Variants in SECISBP2 observed in about 807,000 individuals in gnomAD.
SECISBP2 encodes the protein selenocysteine insertion sequence-binding protein 2.
SECISBP2 carries 96 observed loss-of-function variants against 98.2 expected under a neutral mutation model. That is an observed-to-expected ratio of 0.98 (90% CI 0.83 to 1.16). The LOEUF is 1.16. Among genes scored for constraint, SECISBP2 ranks in the 50% most tolerant of loss-of-function variants. The pLI is 0.00. For synonymous variants in SECISBP2, 407 were observed against 370.2 expected, an observed-to-expected ratio of 1.10 and a Z score of -1.14; for missense variants, 1,046 against 1,022.9, an observed-to-expected ratio of 1.02 and a Z score of -0.31.
Position 89,338,451 on chromosome 9 carries a change from G to A in SECISBP2, c.1090-7G>A, listed in dbSNP as rs1829133091. The A allele has an allele frequency of 1.9e-6, 3 of 1,612,888 alleles. No individual in the cohort carries two copies. The highest frequency in any genetic ancestry group is 1.7e-4 in the Middle Eastern group (1 of 5,996). The stretch of plus-strand genomic sequence containing the variant: ...ACAGGATTTTTTGCTTTGATTTTCT[G>A]TTCTAGTCTAAAGCATCACAAGGTA... On this transcript the variant is annotated splice_polypyrimidine_tract_variant and splice_region_variant and intron_variant, in intron 7 of 16. Transcript: ENST00000375807.
At chr9:89,362,516 AG>A, downstream of SECISBP2, 10 of 1,611,166 alleles carry the variant, frequency 6.2e-6, no homozygotes, top group Non-Finnish European at 8.5e-6. Flanking sequence ...AGCCCATCCC[AG>A]GCAGAGCACT....
chr9:89,343,831 A>G (rs748826124), intron 10 of SECISBP2, among the ~76,000 whole-genome samples: 1 of 152,214 alleles, frequency 6.6e-6, no homozygotes, highest in African/African-American at 2.4e-5. Flanking sequence ...TAGTAGAATG[A>G]TTTATATTCC....
At chr9:89,334,859 G>A in intron 7 of SECISBP2, 129 bp downstream of exon 7, 1 of 718,988 alleles carries the variant, frequency 1.4e-6, no homozygotes, top group Non-Finnish European at 2.5e-6. Context: ...TCTGAAGATG[G>A]ATGGTGATGA....
chr9:89,334,693 A>C lies in SECISBP2; in HGVS notation c.1052A>C (p.Tyr351Ser). The C allele has an allele frequency of 6.2e-7, 1 of 1,613,974 alleles. No individual in the cohort carries two copies. The highest frequency in any genetic ancestry group is 8.5e-7 in the Non-Finnish European group (1 of 1,179,972). Reference sequence around the variant, plus strand: ...GAAGCTTTATCTTCGGATCCTTCCTACAACAAAGAAAAACACATTATTCAT... The same window carrying C: ...GAAGCTTTATCTTCGGATCCTTCCTCCAACAAAGAAAAACACATTATTCAT... Reference protein sequence around the residue: ...SSEALSSDPSYNKEKHIIHPT... With the variant: ...SSEALSSDPSSNKEKHIIHPT... Residue 351 changes from tyrosine (Y) to serine (S), a missense_variant, in exon 7 of 17, where the codon TAC becomes TCC. Tyr to Ser is a moderately radical substitution (Grantham distance 144). Coordinates refer to ENST00000375807, the MANE Select transcript of SECISBP2 (RefSeq NM_024077.5).
chr9:89,354,323 A>AGC (rs1831734461), intron 14 of SECISBP2, among the ~76,000 whole-genome samples: 1 of 152,248 alleles, frequency 6.6e-6, no homozygotes, highest in Non-Finnish European at 1.5e-5. Context: ...ACTACAGTGA[A>AGC]AAGGCACAAA....
rs1352830865 is a variant in SECISBP2 at position 89,319,786 on chromosome 9, A to T, written c.171A>T (p.Pro57=). 6.2e-7 allele frequency: 1 copy of T among 1,613,940 alleles called. No individual in the cohort carries two copies. The highest frequency in any genetic ancestry group is 8.5e-7 in the Non-Finnish European group (1 of 1,179,940). ...CATACTATCCGTTTGTTCAGGAACC[A>T]CCAGTGACAGAGTATGTATCTTTCT... The part of the protein sequence containing the change: ...AATYYPFVQE[P]PVTEQKIYTE... Residue 57 remains proline, a synonymous_variant, in exon 2 of 17, where the codon CCA becomes CCT. Transcript: ENST00000375807.
intron 2 of SECISBP2, chr9:89,322,463 G>A (rs140765033): frequency 6.6e-6 from 1 of 152,184 alleles, no homozygotes; most frequent in Non-Finnish European, 1.5e-5. Flanking sequence ...GAGGTGGCAG[G>A]CAGATGTAAT....
chr9:89,363,428 A>AC (rs751271530), downstream of SECISBP2: 7 of 1,612,066 alleles, frequency 4.3e-6, 1 homozygote, highest in South Asian at 7.7e-5. Context: ...GCGGCCACTT[A>AC]CCCACGCCTT....
chr9:89,325,673 T>G lies in SECISBP2; in HGVS notation c.429T>G (p.Phe143Leu). 1 of 1,614,216 alleles carries G rather than the reference T, an allele frequency of 6.2e-7. No individual in the cohort carries two copies. The highest frequency in any genetic ancestry group is 8.5e-7 in the Non-Finnish European group (1 of 1,180,028). The change falls in exon 3 of 17, where the codon TTT becomes TTG. Residue 143 changes from phenylalanine to leucine, a missense_variant. Physicochemically the swap from Phe to Leu is conservative, Grantham distance 22. Coordinates refer to ENST00000375807, the MANE Select transcript of SECISBP2 (RefSeq NM_024077.5). ...CPLPQEMKAL[F>L]KKKTYDEKKT... ...TCCCACAAGAAATGAAAGCTCTGTT[T>G]AAGGTGAGTAGTGATGTTGTTTTGT...
chr9:89,358,277 C>A (rs1180434787), intron 16 of SECISBP2, 86 bp downstream of exon 16: 15 of 1,354,252 alleles, frequency 1.1e-5, no homozygotes, highest in Non-Finnish European at 1.4e-5. Context: ...AGCAGCTTGA[C>A]AATGCTGCAA....
At chr9:89,335,917 T>TTTAA (rs1828589725) in intron 7 of SECISBP2, among the ~76,000 whole-genome samples, 1 of 152,116 alleles carries the variant, frequency 6.6e-6, no homozygotes, top group East Asian at 1.9e-4. Context: ...CTTTGTTGAA[T>TTTAA]TTAAATGGCT....
At chr9:89,345,760 C>CG (rs1830329631) in intron 10 of SECISBP2, among the ~76,000 whole-genome samples, 1 of 152,010 alleles carries the variant, frequency 6.6e-6, no homozygotes, top group Non-Finnish European at 1.5e-5. Context: ...CATTGGGGAC[C>CG]GGGTGAGTGA....
At chr9:89,330,573 A>G (rs1248256330) in intron 5 of SECISBP2, 1 of 152,280 alleles carries the variant, frequency 6.6e-6, no homozygotes, top group African/African-American at 2.4e-5. Context: ...GGTAATGTGC[A>G]GAAGATAGGC....
intron 14 of SECISBP2, among the ~76,000 whole-genome samples, chr9:89,352,081 C>A (rs1831359512): frequency 6.6e-6 from 1 of 152,224 alleles, no homozygotes; most frequent in Non-Finnish European, 1.5e-5. Context: ...TATTTGTCAT[C>A]TTCCCAATAG....
At chr9:89,354,822 G>A (rs1233543949) in intron 14 of SECISBP2, 1 of 985,428 alleles carries the variant, frequency 1.0e-6, no homozygotes, top group Non-Finnish European at 1.2e-6. Context: ...ACCAGGCAGA[G>A]ACCCTCCAGT....
chr9:89,344,704 C>A (rs958964802), intron 10 of SECISBP2, among the ~76,000 whole-genome samples: 3 of 152,104 alleles, frequency 2.0e-5, no homozygotes, highest in African/African-American at 7.2e-5. Context: ...TGAAAAACTA[C>A]CTTCTTAGCA....
In SECISBP2 at chr9:89,341,406, C is replaced by T. The variant is rs1829635500; in HGVS notation, c.1362C>T (p.Gly454=). The change falls in exon 10 of 17, where the codon GGC becomes GGT. Residue 454 remains glycine (G), a synonymous_variant. Transcript: ENST00000375807. ...TTCCAGTGCAGTTGGACTTGGGGGG[C>T]ATGCTGACAGCCCTGGAGAAGAAGC... is the stretch of plus-strand genomic sequence containing the variant. The part of the protein sequence containing the change: ...SQLPVQLDLG[G]MLTALEKKQH... The T allele has an allele frequency of 6.2e-7, 1 of 1,613,936 alleles. No individual in the cohort carries two copies.
chr9:89,356,425 A>G (rs1832082926), intron 14 of SECISBP2: 1 of 152,196 alleles, frequency 6.6e-6, no homozygotes, highest in Non-Finnish European at 1.5e-5. Context: ...TCTATGCAGG[A>G]GCATAGGTGC....
rs1829136396 is a variant in SECISBP2 at position 89,338,474 on chromosome 9, G to A, written c.1106G>A (p.Gly369Asp). 2 of 1,613,392 alleles carry A rather than the reference G, an allele frequency of 1.2e-6. No individual in the cohort carries two copies. The highest frequency in any genetic ancestry group is 3.3e-5 in the Admixed American group (2 of 59,960). Reference sequence around the variant, plus strand: ...CTGTTCTAGTCTAAAGCATCACAAGGTAGTGACCTTGAACAAAATGAAGCC... The same window carrying A: ...CTGTTCTAGTCTAAAGCATCACAAGATAGTGACCTTGAACAAAATGAAGCC... ...HPTQKSKASQ[G>D]SDLEQNEASR... is the part of the protein sequence containing the mutation. Residue 369 changes from glycine to aspartate, a missense_variant, in exon 8 of 17, where the codon GGT (glycine) becomes GAT (aspartate). By Grantham distance (94) the Gly-to-Asp change is moderately conservative. Coordinates refer to ENST00000375807, the MANE Select transcript of SECISBP2 (RefSeq NM_024077.5).
Sources: allele counts gnomAD v4.1 joint callset (sites outside exome capture counted in the v4.1 genomes callset), GRCh38; gene constraint gnomAD v4.1.1; transcripts MANE v1.5; gene names NCBI Gene and HGNC (gene_info 2026-07-23, HGNC 2026-07-21).